The following SEM1 variants were observed in gnomAD, a reference collection of about 807,000 sequenced individuals.
SEM1 encodes the protein SEM1 26S proteasome subunit.
Under a neutral mutation model 12.7 loss-of-function variants are expected in SEM1, and 3 were observed. The ratio of observed to expected loss-of-function variants is 0.24; its 90% CI spans 0.11 to 0.61. The LOEUF is 0.61. Among genes scored for constraint, SEM1 ranks in the 20% least tolerant of loss-of-function variants. The pLI, the probability that SEM1 is intolerant of heterozygous loss-of-function variation, is 0.88. For missense variants in SEM1, 59 were observed against 81.3 expected, an observed-to-expected ratio of 0.73 and a Z score of 1.06; for synonymous variants, 30 against 27.8, an observed-to-expected ratio of 1.08 and a Z score of -0.25.
chr7:96,564,389 T>C (rs1805783732), intron 2 of SEM1, among the ~76,000 whole-genome samples: 2 of 151,884 alleles, frequency 1.3e-5, no homozygotes, highest in Admixed American at 6.6e-5. Flanking sequence ...AAACGTAAGA[T>C]GGGATTTTTA....
At chr7:96,597,384 A>G (rs751258429) in intron 2 of SEM1, among the ~76,000 whole-genome samples, 2 of 152,128 alleles carry the variant, frequency 1.3e-5, no homozygotes, top group African/African-American at 2.4e-5. Context: ...ACATTCGTGG[A>G]TCACTGAGCA....
chr7:96,645,138 T>C (rs1286725136), intron 2 of SEM1, among the ~76,000 whole-genome samples: 3 of 152,200 alleles, frequency 2.0e-5, no homozygotes, highest in Non-Finnish European at 4.4e-5. Context: ...TGTCCCTGTG[T>C]TTAAAAATAG....
intron 3 of SEM1, chr7:96,484,015 G>A: frequency 6.8e-7 from 1 of 1,474,328 alleles, no homozygotes; most frequent in Non-Finnish European, 9.0e-7. Context: ...TAAATGCTGT[G>A]GGCCAGGAAT....
chr7:96,518,102 G>C (rs1804152276), intron 2 of SEM1, among the ~76,000 whole-genome samples: 1 of 152,176 alleles, frequency 6.6e-6, no homozygotes, highest in Non-Finnish European at 1.5e-5. Flanking sequence ...TGAATTCTGT[G>C]GTTGAGGCAA....
intron 2 of SEM1, among the ~76,000 whole-genome samples, chr7:96,674,594 G>A (rs902917487): frequency 2.6e-5 from 4 of 152,140 alleles, no homozygotes; most frequent in South Asian, 2.1e-4. Flanking sequence ...TTGGGCTCGG[G>A]AGGTCAAGAC....
chr7:96,485,106 T>C (rs1441919381), intron 2 of SEM1, among the ~76,000 whole-genome samples: 1 of 152,196 alleles, frequency 6.6e-6, no homozygotes, highest in Admixed American at 6.5e-5. Flanking sequence ...GAAGTAAATG[T>C]TTTGCCAGTT....
At chr7:96,602,376 C>G (rs1321050890) in intron 2 of SEM1, among the ~76,000 whole-genome samples, 1 of 152,160 alleles carries the variant, frequency 6.6e-6, no homozygotes, top group Non-Finnish European at 1.5e-5. Context: ...GCATCAGCAG[C>G]TGGGGCTGAA....
chr7:96,528,462 G>C (rs924101858), intron 2 of SEM1, among the ~76,000 whole-genome samples: 83 of 152,228 alleles, frequency 5.5e-4, no homozygotes, highest in African/African-American at 1.9e-3. Flanking sequence ...AAAATGCTGG[G>C]ATTATAGGCA....
chr7:96,677,901 G>A (rs1789495498), intron 2 of SEM1, among the ~76,000 whole-genome samples: 1 of 152,096 alleles, frequency 6.6e-6, no homozygotes, highest in African/African-American at 2.4e-5. Flanking sequence ...TTAAAAAGAA[G>A]TTTTCACCCT....
chr7:96,558,877 G>A (rs1458459500), intron 2 of SEM1, among the ~76,000 whole-genome samples: 3 of 152,160 alleles, frequency 2.0e-5, no homozygotes, highest in Non-Finnish European at 4.4e-5. Context: ...ATTTGGAGTT[G>A]GTAGACCCTT....
At chr7:96,541,360 T>C (rs1804941872) in intron 2 of SEM1, among the ~76,000 whole-genome samples, 1 of 151,630 alleles carries the variant, frequency 6.6e-6, no homozygotes, top group African/African-American at 2.4e-5. Context: ...ACGTTTTTTA[T>C]ATATTTGTTT....
intron 2 of SEM1, among the ~76,000 whole-genome samples, chr7:96,667,122 G>C (rs1416293391): frequency 1.3e-5 from 2 of 152,132 alleles, no homozygotes; most frequent in Non-Finnish European, 2.9e-5. Context: ...AATGTGGTTG[G>C]GACGGAACTC....
At chr7:96,643,963 G>C (rs1439844359) in intron 2 of SEM1, among the ~76,000 whole-genome samples, 2 of 152,082 alleles carry the variant, frequency 1.3e-5, no homozygotes, top group African/African-American at 4.8e-5. Context: ...AGAAGCCTGA[G>C]TGGAGCCTGC....
chr7:96,567,384 A>G (rs1356395824), intron 2 of SEM1, among the ~76,000 whole-genome samples: 2 of 151,630 alleles, frequency 1.3e-5, no homozygotes, highest in Non-Finnish European at 3.0e-5. Flanking sequence ...ATAGGAAAAT[A>G]ATTGGTTTGT....
chr7:96,511,700 CT>C (rs1803939704), intron 2 of SEM1, among the ~76,000 whole-genome samples: 1 of 151,972 alleles, frequency 6.6e-6, no homozygotes, highest in Non-Finnish European at 1.5e-5. Flanking sequence ...CAAGGACCAT[CT>C]AAAAAAGGGG....
At chr7:96,587,754 A>G (rs1806688032) in intron 2 of SEM1, among the ~76,000 whole-genome samples, 1 of 151,874 alleles carries the variant, frequency 6.6e-6, no homozygotes, top group Admixed American at 6.6e-5. Context: ...AGGATAGTTT[A>G]TGGTAAAATA....
At position 96,680,506 on chromosome 7, in the gene SEM1, G is replaced by A. The variant is rs538490236; in HGVS notation, c.171-6647C>T. On this transcript the variant is annotated intron_variant, in intron 2 of 2. Coordinates refer to the SEM1 transcript ENST00000413065. ...GCCCAGGCAAAGATGATAATCTAGA[G>A]TTTTAAATGTGTTGTGCACTACTGG... Among the ~76,000 whole-genome samples, 5 of 152,198 alleles carry A rather than the reference G, an allele frequency of 3.3e-5. No individual in the cohort carries two copies. In the East Asian group the frequency reaches 7.7e-4, roughly 24 times the overall value.
At chr7:96,583,241 T>C (rs1325983796) in intron 2 of SEM1, among the ~76,000 whole-genome samples, 2 of 148,862 alleles carry the variant, frequency 1.3e-5, no homozygotes, top group African/African-American at 2.5e-5. Context: ...CCAGTAGTCA[T>C]TCAGGAGCAG....
chr7:96,576,076 A>G (rs1806195361), intron 2 of SEM1, among the ~76,000 whole-genome samples: 1 of 152,194 alleles, frequency 6.6e-6, no homozygotes, highest in South Asian at 2.1e-4. Context: ...TTGTCATTAT[A>G]CAATGCCTTC....
Sources: allele counts gnomAD v4.1 joint callset (sites outside exome capture counted in the v4.1 genomes callset), GRCh38; gene constraint gnomAD v4.1.1; transcripts MANE v1.5; gene names NCBI Gene and HGNC (gene_info 2026-07-23, HGNC 2026-07-21).